Variants in CNTN5 observed in about 807,000 individuals in gnomAD.
CNTN5 encodes the protein contactin 5.
CNTN5 carries 77 observed loss-of-function variants against 129.1 expected under a neutral mutation model. The ratio of observed to expected loss-of-function variants is 0.60; its 90% CI spans 0.50 to 0.72. The LOEUF (loss-of-function observed/expected upper bound fraction) is 0.72, where lower values mean the gene tolerates loss of function less well. CNTN5 is among the 30% of genes least tolerant of loss of function. CNTN5 has a pLI of 0.00. For missense variants in CNTN5, 1,478 were observed against 1,328.8 expected (o/e 1.11, Z -1.75); for synonymous variants, 509 against 465.6 (o/e 1.09, Z -1.20).
intron 2 of CNTN5, among the ~76,000 whole-genome samples, chr11:99,476,992 C>T (rs1209450725): frequency 6.6e-6 from 1 of 151,742 alleles, no homozygotes; most frequent in Non-Finnish European, 1.5e-5. Flanking sequence ...TTGCTTTTTT[C>T]TTACCATCTC....
rs1186443803 is a variant in CNTN5 at position 100,292,294 on chromosome 11, C to T, written c.2315-5331C>T. 2.0e-5 allele frequency among the ~76,000 whole-genome samples: 3 copies of T among 152,102 alleles called. No homozygotes were observed. In the South Asian group the frequency reaches 6.2e-4, roughly 32 times the overall value. ...GTTTATCCACATACTGCTGCTTTCT[C>T]TCATGGGGTGCATTGAGTTCTTTGA... On this transcript the variant is annotated intron_variant, in intron 18 of 24. Transcript: ENST00000524871.
chr11:99,516,260 G>T (rs1306160869), intron 2 of CNTN5, among the ~76,000 whole-genome samples: 1 of 151,976 alleles, frequency 6.6e-6, no homozygotes, highest in Non-Finnish European at 1.5e-5. Context: ...CATTCCAGTG[G>T]TATATGTTCT....
intron 2 of CNTN5, among the ~76,000 whole-genome samples, chr11:99,401,859 C>CT (rs35285655): frequency 6.6e-6 from 1 of 151,610 alleles, no homozygotes; most frequent in Non-Finnish European, 1.5e-5. Context: ...AATGGCACTA[C>CT]TTTTTTTTCA....
chr11:99,777,533 A>C (rs1164542981), intron 3 of CNTN5, among the ~76,000 whole-genome samples: 1 of 151,844 alleles, frequency 6.6e-6, no homozygotes, highest in Non-Finnish European at 1.5e-5. Context: ...TATAAAAACT[A>C]ATTTTTAATT....
At chr11:99,305,397 A>G (rs1213328243) in intron 1 of CNTN5, among the ~76,000 whole-genome samples, 1 of 152,196 alleles carries the variant, frequency 6.6e-6, no homozygotes, top group Non-Finnish European at 1.5e-5. Context: ...AATTAAATAA[A>G]GCAAAAAGAA....
chr11:99,422,465 G>C (rs1942931095), intron 2 of CNTN5, among the ~76,000 whole-genome samples: 1 of 138,016 alleles, frequency 7.2e-6, no homozygotes, highest in African/African-American at 2.7e-5. Context: ...GTCCTAACAG[G>C]GTTTACATCC....
chr11:99,509,501 A>G (rs530041482), intron 2 of CNTN5, among the ~76,000 whole-genome samples: 62 of 152,170 alleles, frequency 4.1e-4, no homozygotes, highest in Non-Finnish European at 7.1e-4. Flanking sequence ...TGGCAAAGAG[A>G]AAGAGCAAAA....
At chr11:100,056,560 CTAAAAA>C (rs1943231808) in intron 9 of CNTN5, among the ~76,000 whole-genome samples, 1 of 151,418 alleles carries the variant, frequency 6.6e-6, no homozygotes, top group African/African-American at 2.4e-5. Flanking sequence ...AATTACAACT[CTAAAAA>C]TAATAATAAC....
At position 99,877,432 on chromosome 11, in the gene CNTN5, C is replaced by T. The variant is rs369376619; in HGVS notation, c.577+32170C>T. On this transcript the variant is annotated intron_variant, in intron 6 of 24. Coordinates refer to ENST00000524871, the MANE Select transcript of CNTN5 (RefSeq NM_014361.4). The stretch of plus-strand genomic sequence containing the variant: ...AGTAGGAACTGGTTCTGCTCATTTA[C>T]TCTGCCTTTGAAATTTACCAAAACC... 2.4e-3 allele frequency among the ~76,000 whole-genome samples: 364 copies of T among 152,268 alleles called. 5 individuals carry two copies. The highest frequency in any genetic ancestry group is 0.013 in the South Asian group (63 of 4,828).
At chr11:100,210,802 G>A (rs748116819) in intron 15 of CNTN5, among the ~76,000 whole-genome samples, 1 of 152,136 alleles carries the variant, frequency 6.6e-6, no homozygotes, top group Non-Finnish European at 1.5e-5. Context: ...CAGTCATGAT[G>A]ATAATCTCAA....
chr11:99,665,643 T>A (rs1226722871), intron 3 of CNTN5, among the ~76,000 whole-genome samples: 1 of 151,462 alleles, frequency 6.6e-6, no homozygotes, highest in Admixed American at 6.6e-5. Flanking sequence ...CCCAGCAACT[T>A]GCCCGGCTAA....
chr11:100,245,476 T>A (rs1477447696), intron 16 of CNTN5, among the ~76,000 whole-genome samples: 1 of 152,052 alleles, frequency 6.6e-6, no homozygotes, highest in African/African-American at 2.4e-5. Context: ...AGGACTGATA[T>A]AGGCTAATCA....
chr11:99,440,816 T>C (rs867048269), intron 2 of CNTN5, among the ~76,000 whole-genome samples: 26 of 152,118 alleles, frequency 1.7e-4, no homozygotes, highest in South Asian at 4.1e-4. Context: ...TTGGTGAAAA[T>C]GTAATCCCGT....
chr11:100,205,771 T>C (rs1948900271), intron 15 of CNTN5, among the ~76,000 whole-genome samples: 1 of 152,112 alleles, frequency 6.6e-6, no homozygotes, highest in Non-Finnish European at 1.5e-5. Context: ...ATTTAAAGTA[T>C]ACTGTAGAGT....
intron 3 of CNTN5, among the ~76,000 whole-genome samples, chr11:99,710,289 T>A (rs150279946): frequency 5.3e-5 from 8 of 151,996 alleles, no homozygotes; most frequent in African/African-American, 1.9e-4. Flanking sequence ...CCATAGAACC[T>A]TGCCCCATTC....
At chr11:99,414,262 T>C (rs1176352174) in intron 2 of CNTN5, among the ~76,000 whole-genome samples, 2 of 152,188 alleles carry the variant, frequency 1.3e-5, no homozygotes, top group Non-Finnish European at 2.9e-5. Context: ...ATCACTGTGT[T>C]AACACGTTTA....
At chr11:99,837,832 G>T (rs1423975069) in intron 4 of CNTN5, among the ~76,000 whole-genome samples, 2 of 151,940 alleles carry the variant, frequency 1.3e-5, no homozygotes, top group Non-Finnish European at 2.9e-5. Flanking sequence ...TTTAAGGTCA[G>T]TTCTATGGGT....
intron 3 of CNTN5, among the ~76,000 whole-genome samples, chr11:99,631,379 A>C (rs1951342002): frequency 6.6e-6 from 1 of 152,132 alleles, no homozygotes; most frequent in Non-Finnish European, 1.5e-5. Context: ...TAAAATACAG[A>C]GTGCACTTTC....
At chr11:100,202,568 G>T (rs1442330398) in intron 15 of CNTN5, among the ~76,000 whole-genome samples, 1 of 150,436 alleles carries the variant, frequency 6.6e-6, no homozygotes, top group East Asian at 2.0e-4. Flanking sequence ...TATATTAAAA[G>T]CAGCCGTATA....
Sources: allele counts gnomAD v4.1 joint callset (sites outside exome capture counted in the v4.1 genomes callset), GRCh38; gene constraint gnomAD v4.1.1; transcripts MANE v1.5; gene names NCBI Gene and HGNC (gene_info 2026-07-23, HGNC 2026-07-21).